The following SREBF2 variants were observed in gnomAD, a reference collection of about 807,000 sequenced individuals.
SREBF2 encodes sterol regulatory element-binding protein 2.
Under a neutral mutation model 113.1 loss-of-function variants are expected in SREBF2, and 55 were observed. The observed-to-expected ratio is 0.49, with a 90% CI of 0.39 to 0.61. The LOEUF is 0.61. Ranked by LOEUF, SREBF2 falls within the 20% of genes least tolerant of loss-of-function variation. The probability of loss-of-function intolerance (pLI) is 0.00; values close to 1 mark genes in which losing one functional copy is unlikely to be tolerated. For missense variants in SREBF2, 1,349 were observed against 1,487.4 expected (o/e 0.91, Z 1.53); for synonymous variants, 593 against 605.7 (o/e 0.98, Z 0.31).
chr22:41,905,294 ACTT>A, intron 18 of SREBF2, 143 bp from the exon 19 acceptor site: 1 of 841,884 alleles, frequency 1.2e-6, no homozygotes, highest in Non-Finnish European at 1.9e-6. Flanking sequence ...GGACAAGTTC[ACTT>A]CTTTTCCGTG....
intron 1 of SREBF2, among the ~76,000 whole-genome samples, chr22:41,845,609 A>G (rs940454893): frequency 7.9e-5 from 12 of 152,240 alleles, no homozygotes; most frequent in African/African-American, 2.4e-4. Context: ...AACAGAGGCT[A>G]TAACAGAGGA....
chr22:41,892,745 C>A (rs116328092), intron 11 of SREBF2, among the ~76,000 whole-genome samples: 4,354 of 152,202 alleles, frequency 0.029, 194 homozygotes, highest in African/African-American at 0.099. Context: ...AGTACAGCAG[C>A]CAGGGGGCCC....
chr22:41,865,115 C>T (rs1389058264), intron 1 of SREBF2, among the ~76,000 whole-genome samples: 1 of 147,568 alleles, frequency 6.8e-6, no homozygotes, highest in Non-Finnish European at 1.5e-5. Flanking sequence ...ACAAATATAC[C>T]CCAGGCTCCA....
chr22:41,841,708 A>G (rs1162788489), intron 1 of SREBF2, among the ~76,000 whole-genome samples: 1 of 152,248 alleles, frequency 6.6e-6, no homozygotes, highest in Non-Finnish European at 1.5e-5. Flanking sequence ...ATTCTCAAGC[A>G]GTTTTATTCA....
At chr22:41,863,279 C>G (rs2077042390) in intron 1 of SREBF2, among the ~76,000 whole-genome samples, 1 of 152,224 alleles carries the variant, frequency 6.6e-6, no homozygotes, top group African/African-American at 2.4e-5. Flanking sequence ...TCCAGAGACT[C>G]ACACCTAGGC....
intron 1 of SREBF2, among the ~76,000 whole-genome samples, chr22:41,835,341 G>A (rs1470511369): frequency 1.4e-5 from 2 of 139,066 alleles, no homozygotes; most frequent in African/African-American, 2.7e-5. Flanking sequence ...ATGGAGTTTC[G>A]CTATTGTTGC....
intron 1 of SREBF2, among the ~76,000 whole-genome samples, chr22:41,864,768 A>G (rs2148373284): frequency 6.6e-6 from 1 of 151,960 alleles, no homozygotes; most frequent in Non-Finnish European, 1.5e-5. Context: ...CCTGGGCAAC[A>G]TGGTGAAATC....
At chr22:41,854,702 C>T (rs1162040639) in intron 1 of SREBF2, among the ~76,000 whole-genome samples, 2 of 151,400 alleles carry the variant, frequency 1.3e-5, no homozygotes, top group Admixed American at 6.6e-5. Flanking sequence ...AACCCGGTCT[C>T]AACTGAAAAT....
intron 1 of SREBF2, among the ~76,000 whole-genome samples, chr22:41,861,937 T>C (rs1354886284): frequency 1.3e-5 from 2 of 152,000 alleles, no homozygotes; most frequent in African/African-American, 4.8e-5. Flanking sequence ...AAAAAATTAT[T>C]AAAAACATTG....
intron 3 of SREBF2, among the ~76,000 whole-genome samples, chr22:41,869,266 G>A (rs1036391848): frequency 6.0e-5 from 9 of 150,152 alleles, no homozygotes; most frequent in African/African-American, 1.5e-4. Flanking sequence ...CACCACACCC[G>A]GCTAATTTTT....
intron 11 of SREBF2, among the ~76,000 whole-genome samples, chr22:41,890,816 G>C (rs1296293142): frequency 1.3e-5 from 2 of 151,824 alleles, no homozygotes; most frequent in Non-Finnish European, 2.9e-5. Context: ...GCTGAGGCAG[G>C]AGAATTGCTA....
rs1187468508 is a variant in SREBF2 at position 41,904,965 on chromosome 22, A to T, written c.3196A>T (p.Thr1066Ser). ...CCTGCGGCGGCGCACCACGCAGAGC[A>T]CCAAGCACGGTGAGTCCACCCCTCC... ...HSLRRRTTQS[T>S]KHGEVDAWPG... Residue 1066 changes from threonine (T) to serine (S), a missense_variant, in exon 18 of 19, where the codon ACC (threonine) becomes TCC (serine). Physicochemically the swap from Thr to Ser is moderately conservative, Grantham distance 58 (BLOSUM62 1). Around this residue, in one of 2 missense-constraint regions of SREBF2, gnomAD observed 650 missense variants for 644.1 expected, o/e 1.01. Coordinates refer to ENST00000361204, the MANE Select transcript of SREBF2 (RefSeq NM_004599.4). 1 of 1,594,154 alleles carries T rather than the reference A, an allele frequency of 6.3e-7. No individual in the cohort carries two copies. Among genetic ancestry groups the T allele is most frequent in the Non-Finnish European group, 8.5e-7 (1 of 1,175,218 alleles).
At chr22:41,862,386 A>G (rs773685178) in intron 1 of SREBF2, among the ~76,000 whole-genome samples, 7 of 152,214 alleles carry the variant, frequency 4.6e-5, no homozygotes, top group African/African-American at 7.2e-5. Flanking sequence ...CAACTTAGCT[A>G]TAAGTTTACA....
chr22:41,836,419 G>C (rs907262719), intron 1 of SREBF2, among the ~76,000 whole-genome samples: 6 of 152,354 alleles, frequency 3.9e-5, no homozygotes, highest in Admixed American at 6.5e-5. Context: ...GTAAAGGCTG[G>C]CTTAGCAGGA....
At chr22:41,884,066 G>T (rs1053173500) in intron 10 of SREBF2, among the ~76,000 whole-genome samples, 1 of 152,108 alleles carries the variant, frequency 6.6e-6, no homozygotes, top group Non-Finnish European at 1.5e-5. Context: ...CATGTGTTCA[G>T]CTGTCCTTGC....
chr22:41,870,453 G>A (rs1401103033), intron 3 of SREBF2, among the ~76,000 whole-genome samples: 8 of 151,922 alleles, frequency 5.3e-5, no homozygotes, highest in Non-Finnish European at 1.0e-4. Context: ...GTGAAACCCT[G>A]TCTCTACAAA....
At chr22:41,895,971 G>A (rs373501749) in intron 13 of SREBF2, among the ~76,000 whole-genome samples, 11 of 151,684 alleles carry the variant, frequency 7.3e-5, no homozygotes, top group East Asian at 2.0e-4. Context: ...GTGAAACCCC[G>A]TCTACTAAAA....
chr22:41,901,671 C>G (rs967910350), intron 16 of SREBF2, among the ~76,000 whole-genome samples: 1 of 152,178 alleles, frequency 6.6e-6, no homozygotes, highest in Non-Finnish European at 1.5e-5. Flanking sequence ...TAAAAAAAAG[C>G]TGGTGGGGGT....
At chr22:41,849,655 G>C (rs2076908915) in intron 1 of SREBF2, among the ~76,000 whole-genome samples, 1 of 152,140 alleles carries the variant, frequency 6.6e-6, no homozygotes. Flanking sequence ...GAGAGAGATT[G>C]TTCTAGAAAA....
Sources: gnomAD v4.1 joint callset for allele counts (sites outside exome capture counted in the v4.1 genomes callset) on GRCh38, gnomAD v4.1.1 for gene constraint, gnomAD v4.1.1 regional missense constraint, MANE v1.5 for transcripts, NCBI Gene and HGNC (gene_info 2026-07-23, HGNC 2026-07-21) for gene names.